FBLN5: variants seen among roughly 807,000 people sequenced by gnomAD.
FBLN5 encodes fibulin 5.
A neutral mutation model predicts 61.6 loss-of-function variants in FBLN5; 24 were observed. The observed-to-expected ratio is 0.39, with a 90% CI of 0.28 to 0.55. The LOEUF is 0.55. Ranked by LOEUF, FBLN5 falls within the 20% of genes least tolerant of loss-of-function variation. The pLI is 0.65. For synonymous variants in FBLN5, 213 were observed against 219.8 expected (o/e 0.97, Z 0.27); for missense variants, 470 against 594.1 (o/e 0.79, Z 2.17).
chr14:91,872,198 A>G (rs2139940814), intron 10 of FBLN5, among the ~76,000 whole-genome samples: 1 of 152,344 alleles, frequency 6.6e-6, no homozygotes, highest in Admixed American at 6.5e-5. Context: ...TTACCCAGCT[A>G]GTCTTGGGCA....
chr14:91,911,227 C>T (rs549994059), intron 4 of FBLN5, among the ~76,000 whole-genome samples: 3 of 152,224 alleles, frequency 2.0e-5, no homozygotes, highest in South Asian at 2.1e-4. Context: ...TCCAGTGATC[C>T]GCCCACCTCA....
chr14:91,881,022 A>C (rs963319368), intron 9 of FBLN5, among the ~76,000 whole-genome samples: 1 of 152,196 alleles, frequency 6.6e-6, no homozygotes, highest in African/African-American at 2.4e-5. Context: ...CAAAACTAAA[A>C]GATAAGTTTC....
chr14:91,891,166 G>A lies in FBLN5; in HGVS notation c.619+55C>T. 5.1e-6 allele frequency: 5 copies of A among 989,948 alleles called. No homozygotes were observed. In the South Asian group the frequency reaches 5.1e-5, roughly 10 times the overall value. The allele number at this position is 989,948 out of a possible 1,614,324, so 61.3% of individuals were successfully genotyped here. The stretch of plus-strand genomic sequence containing the variant: ...CAAACATAAGCTGCCAGGTGCTGAA[G>A]AAGGCTGCAGCTAGTGTCTCACATC... On this transcript the variant is annotated intron_variant, in intron 6 of 10. Transcript: ENST00000342058.
chr14:91,937,613 TG>T (rs1295656491), intron 3 of FBLN5, among the ~76,000 whole-genome samples: 1 of 152,166 alleles, frequency 6.6e-6, no homozygotes, highest in Non-Finnish European at 1.5e-5. Context: ...GAAATGAAAC[TG>T]GTGGCTTTCT....
At chr14:91,890,138 T>C (rs1595304245) in intron 6 of FBLN5, among the ~76,000 whole-genome samples, 1 of 152,202 alleles carries the variant, frequency 6.6e-6, no homozygotes, top group East Asian at 1.9e-4. Flanking sequence ...TCTTTTGGCG[T>C]GAGGAACACA....
intron 1 of FBLN5, chr14:91,946,643 C>A: frequency 7.8e-7 from 1 of 1,288,852 alleles, no homozygotes; most frequent in Non-Finnish European, 1.1e-6. Flanking sequence ...AGGTAAAGTT[C>A]TCCAAGACTT....
At chr14:91,904,158 T>C (rs1241287033) in intron 4 of FBLN5, among the ~76,000 whole-genome samples, 1 of 152,192 alleles carries the variant, frequency 6.6e-6, no homozygotes, top group Non-Finnish European at 1.5e-5. Context: ...AAAAGGGCCT[T>C]ATTCACAATC....
intron 4 of FBLN5, among the ~76,000 whole-genome samples, chr14:91,933,629 A>G (rs2055964347): frequency 6.6e-6 from 1 of 152,156 alleles, no homozygotes; most frequent in Non-Finnish European, 1.5e-5. Flanking sequence ...GTCTTTAAGA[A>G]TGAAATTATA....
Position 91,943,811 on chromosome 14 carries a change from G to A in FBLN5, c.18-850C>T, listed in dbSNP as rs2140057394. On this transcript the variant is annotated intron_variant, in intron 1 of 10. Coordinates refer to ENST00000342058, the MANE Select transcript of FBLN5 (RefSeq NM_006329.4). This position sits in a 1 kb window ranked among gnomAD's most constrained non-coding sequence, Gnocchi z 4.0. ...GGTGGCCCTGTCCCCTGAAGAGTGT[G>A]GCCTGCGGGAACTGCTGCCAGCAGG... Among the ~76,000 whole-genome samples, 1 of 152,248 alleles carries A rather than the reference G, an allele frequency of 6.6e-6. No homozygotes were observed. The highest frequency in any genetic ancestry group is 6.5e-5 in the Admixed American group (1 of 15,298).
intron 4 of FBLN5, among the ~76,000 whole-genome samples, chr14:91,928,353 T>C (rs1205475132): frequency 6.6e-6 from 1 of 152,222 alleles, no homozygotes; most frequent in Non-Finnish European, 1.5e-5. Context: ...CTTGAACCTG[T>C]TTGGCAGACT....
At position 91,947,062 on chromosome 14, in the gene FBLN5, T is replaced by C; in HGVS notation, c.17+151A>G. On this transcript the variant is annotated intron_variant, in intron 1 of 10. Coordinates refer to ENST00000342058, the MANE Select transcript of FBLN5 (RefSeq NM_006329.4). The surrounding 1 kb of genome is among the most constrained non-coding windows in gnomAD (Gnocchi z 4.3). ...TGGAAATTACAGAGGCGCAGCTTTT[T>C]ATAATTAACAATATCATTGCATCAC... is the stretch of plus-strand genomic sequence containing the variant. The C allele has an allele frequency of 5.2e-6, 8 of 1,538,782 alleles. No individual in the cohort carries two copies. Among genetic ancestry groups the C allele is most frequent in the African/African-American group, 1.4e-5 (1 of 72,606 alleles).
intron 4 of FBLN5, among the ~76,000 whole-genome samples, chr14:91,903,497 G>T (rs2139996310): frequency 6.6e-6 from 1 of 152,292 alleles, no homozygotes; most frequent in East Asian, 1.9e-4. Context: ...GAGTACTCAT[G>T]AACATAGTTT....
chr14:91,895,042 T>C lies in FBLN5; in HGVS notation c.410A>G (p.Gln137Arg). ...DVDECATDSH[Q>R]CNPTQICINT... ...GATGCAGATCTGGGTGGGGTTGCAC[T>C]GGTGGGAATCTGTTGCACACTCGTC... is the stretch of plus-strand genomic sequence containing the variant. Residue 137 changes from glutamine (Q) to arginine (R), a missense_variant, in exon 5 of 11, where the codon CAG (glutamine) becomes CGG (arginine). Transcript: ENST00000342058. 6.2e-7 allele frequency: 1 copy of C among 1,614,190 alleles called. No individual in the cohort carries two copies.
intron 4 of FBLN5, among the ~76,000 whole-genome samples, chr14:91,912,567 C>A (rs937442645): frequency 1.3e-5 from 2 of 152,132 alleles, no homozygotes; most frequent in African/African-American, 4.8e-5. Flanking sequence ...ATCAATTGAA[C>A]CCAGGAGGCG....
chr14:91,894,932 C>A lies in FBLN5; in HGVS notation c.502+18G>T. 1.9e-6 allele frequency: 3 copies of A among 1,612,934 alleles called. No individual in the cohort carries two copies. Among genetic ancestry groups the A allele is most frequent in the South Asian group, 1.1e-5 (1 of 91,020 alleles). On this transcript the variant is annotated intron_variant, in intron 5 of 10. Coordinates refer to ENST00000342058, the MANE Select transcript of FBLN5 (RefSeq NM_006329.4). Reference sequence around the variant, plus strand: ...TTAACTTCCAAGAGTCCCTGTGACCCCCCCAGAGAGCTGTTACCTAAGCAC... The same window carrying A: ...TTAACTTCCAAGAGTCCCTGTGACCACCCCAGAGAGCTGTTACCTAAGCAC...
At chr14:91,916,348 T>C (rs1891196755) in intron 4 of FBLN5, among the ~76,000 whole-genome samples, 1 of 152,194 alleles carries the variant, frequency 6.6e-6, no homozygotes, top group African/African-American at 2.4e-5. Flanking sequence ...CTCAGGAGGC[T>C]GAGACAGAGA....
At chr14:91,895,296 C>A (rs374920245) in intron 4 of FBLN5, among the ~76,000 whole-genome samples, 3 of 152,176 alleles carry the variant, frequency 2.0e-5, no homozygotes, top group Admixed American at 6.5e-5. Flanking sequence ...GGGAAATGGC[C>A]AAGAAGGGAA....
intron 1 of FBLN5, chr14:91,946,770 C>T: frequency 6.5e-7 from 1 of 1,536,090 alleles, no homozygotes; most frequent in Non-Finnish European, 8.7e-7. Flanking sequence ...GAGAATCCCA[C>T]ACAAACATAG....
At chr14:91,921,961 C>G (rs573765193) in intron 4 of FBLN5, among the ~76,000 whole-genome samples, 1 of 152,164 alleles carries the variant, frequency 6.6e-6, no homozygotes, top group South Asian at 2.1e-4. Flanking sequence ...AAATCACAAG[C>G]AAACTCTGGG....
Sources: gnomAD v4.1 joint callset for allele counts (sites outside exome capture counted in the v4.1 genomes callset) on GRCh38, gnomAD v4.1.1 for gene constraint, Gnocchi (gnomAD v3.1) non-coding constraint, MANE v1.5 for transcripts, NCBI Gene and HGNC (gene_info 2026-07-23, HGNC 2026-07-21) for gene names.